Variants in AMBP observed in about 807,000 individuals in gnomAD.
AMBP encodes alpha-1-microglobulin/bikunin precursor.
AMBP carries 37 observed loss-of-function variants against 46.3 expected under a neutral mutation model. The observed-to-expected ratio is 0.80, with a 90% CI of 0.61 to 1.05. AMBP has a LOEUF of 1.05. AMBP is among the 50% of genes least tolerant of loss of function. The pLI is 0.00. For synonymous variants in AMBP, 174 were observed against 175.9 expected (o/e 0.99, Z 0.09); for missense variants, 475 against 461.2 (o/e 1.03, Z -0.27).
intron 5 of AMBP, chr9:114,069,992 A>G (rs147121883): frequency 3.9e-5 from 21 of 545,188 alleles, no homozygotes; most frequent in Middle Eastern, 4.5e-4. Flanking sequence ...TATCAGCATC[A>G]TGGAAAGAAT....
intron 6 of AMBP, among the ~76,000 whole-genome samples, chr9:114,067,735 G>A (rs1038767317): frequency 2.0e-5 from 3 of 152,030 alleles, no homozygotes; most frequent in Admixed American, 1.3e-4. Context: ...GAACAATGGA[G>A]TAACATATAC....
intron 6 of AMBP, among the ~76,000 whole-genome samples, chr9:114,066,085 C>T (rs1469682567): frequency 6.6e-6 from 1 of 152,106 alleles, no homozygotes; most frequent in Non-Finnish European, 1.5e-5. Flanking sequence ...GTCATGCGCA[C>T]CTCCCAGACT....
chr9:114,061,669 C>A, intron 7 of AMBP, 78 bp from the exon 8 acceptor site: 1 of 1,420,454 alleles, frequency 7.0e-7, no homozygotes, highest in South Asian at 1.4e-5. Flanking sequence ...TGATATGCGC[C>A]ATCTCATTTA....
Position 114,078,219 on chromosome 9 carries a change from C to A in AMBP, c.-10G>T, listed in dbSNP as rs758362166. 6.2e-7 allele frequency: 1 copy of A among 1,610,620 alleles called. No homozygotes were observed. Among genetic ancestry groups the A allele is most frequent in the Non-Finnish European group, 8.5e-7 (1 of 1,179,394 alleles). Reference sequence around the variant, plus strand: ...CCCCGAGGCTCCTCATGGCTATGGGCTCCTCTGCCTTGGTATATCCCACAG... The same window carrying A: ...CCCCGAGGCTCCTCATGGCTATGGGATCCTCTGCCTTGGTATATCCCACAG... On this transcript the variant is annotated 5_prime_UTR_variant, in exon 1 of 10. Transcript: ENST00000265132.
rs1277477137 is a variant in AMBP, at chr9:114,060,994, AG to A, written c.957del (p.Cys320AlafsTer63). On this transcript the variant is annotated frameshift_variant, in exon 9 of 10. Coordinates refer to ENST00000265132, the MANE Select transcript of AMBP (RefSeq NM_001633.4). LOFTEE classifies it high-confidence loss of function. Reference sequence around the variant, plus strand: ...TAGAACTTGTTCCCGTTGCCCTGGCAGCCCCCGTAGGGGAAGAGGACGCACT... The same window carrying A: ...TAGAACTTGTTCCCGTTGCCCTGGCACCCCCGTAGGGGAAGAGGACGCACT... The part of the protein sequence containing the change: ...KGKCVLFPYG[G>X]CQGNGNKFYS... The A allele has an allele frequency of 6.2e-7, 1 of 1,614,238 alleles. No homozygotes were observed. Among genetic ancestry groups the A allele is most frequent in the Admixed American group, 1.7e-5 (1 of 60,028 alleles).
rs1564370326 is a variant in AMBP at position 114,061,086 on chromosome 9, A to C, written c.866T>G (p.Leu289Arg). The change falls in exon 9 of 10, where the codon CTC becomes CGC. Residue 289 changes from leucine to arginine, a missense_variant. Physicochemically the swap from Leu to Arg is moderately radical, Grantham distance 102. Coordinates refer to ENST00000265132, the MANE Select transcript of AMBP (RefSeq NM_001633.4). ...QTCRTVAACNLPIVRGPCRAF... is the reference protein window; with the variant it reads ...QTCRTVAACNRPIVRGPCRAF... ...TCGGCAGGGGCCCCGGACTATGGGG[A>C]GATTGCAGGCCGCTGTGGAGTGGAG... The C allele has an allele frequency of 6.2e-7, 1 of 1,614,050 alleles. No homozygotes were observed. The highest frequency in any genetic ancestry group is 8.5e-7 in the Non-Finnish European group (1 of 1,179,986).
Position 114,072,928 on chromosome 9 carries a change from G to T in AMBP, c.553C>A (p.Arg185=), listed in dbSNP as rs756372752. The T allele has an allele frequency of 6.2e-7, 1 of 1,613,670 alleles. No individual in the cohort carries two copies. Among genetic ancestry groups the T allele is most frequent in the Non-Finnish European group, 8.5e-7 (1 of 1,179,734 alleles). The change falls in exon 5 of 10, where the codon CGA becomes AGA. Residue 185 remains arginine, a synonymous_variant. Transcript: ENST00000265132. ...PEDSIFTMAD[R]GECVPGEQEP... ...GAGGCGGAGGGGTGCTATGTACCTC[G>T]GTCAGCCATGGTGAAGATGGAGTCC...
intron 7 of AMBP, 83 bp downstream of exon 7, chr9:114,062,594 A>C (rs1161310099): frequency 7.3e-7 from 1 of 1,376,700 alleles, no homozygotes. Context: ...GACTGCACTG[A>C]TAAGAGTAGC....
rs749831385 is a variant in AMBP, at chr9:114,076,658, G to A, written c.200C>T (p.Thr67Met). ...TGTAGCGCCCTCTCCCAGCACCAGC[G>A]TGCTCACTGTCATCCTGTCCATGAT... ...KKIMDRMTVS[T>M]LVLGEGATEA... is the part of the protein sequence containing the mutation. The change falls in exon 2 of 10, where the codon ACG becomes ATG. Residue 67 changes from threonine to methionine, a missense_variant. Around this residue, in one of 3 missense-constraint regions of AMBP, gnomAD observed 179 missense variants for 167.4 expected, o/e 1.07. Transcript: ENST00000265132. The A allele has an allele frequency of 2.9e-5, 47 of 1,613,908 alleles. No individual in the cohort carries two copies. The East Asian group carries it at 6.9e-4, about 24-fold the overall frequency.
At position 114,061,522 on chromosome 9, in the gene AMBP, G is replaced by A. The variant is rs199693634; in HGVS notation, c.755C>T (p.Thr252Ile). 46 of 1,613,960 alleles carry A rather than the reference G, an allele frequency of 2.9e-5. No individual in the cohort carries two copies. The highest frequency in any genetic ancestry group is 3.6e-5 in the Non-Finnish European group (43 of 1,179,984). ...GMTSRYFYNG[T>I]SMACETFQYG... Reference sequence around the variant, plus strand: ...CTGGAAAGTCTCACAGGCCATGGATGTACCATTATAGAAATACCTGCTGGT... The same window carrying A: ...CTGGAAAGTCTCACAGGCCATGGATATACCATTATAGAAATACCTGCTGGT... The change falls in exon 8 of 10, where the codon ACA becomes ATA. Residue 252 changes from threonine to isoleucine, a missense_variant. Around this residue, in one of 3 missense-constraint regions of AMBP, gnomAD observed 293 missense variants for 276.9 expected, o/e 1.06. Transcript: ENST00000265132.
intron 6 of AMBP, among the ~76,000 whole-genome samples, chr9:114,066,719 G>A (rs1387438915): frequency 1.3e-5 from 2 of 152,152 alleles, no homozygotes; most frequent in African/African-American, 2.4e-5. Flanking sequence ...CCCAGTGAAT[G>A]CAGATGGAAA....
At chr9:114,070,804 CA>C (rs1846736952) in intron 5 of AMBP, among the ~76,000 whole-genome samples, 3 of 152,162 alleles carry the variant, frequency 2.0e-5, no homozygotes, top group African/African-American at 7.2e-5. Flanking sequence ...GTGAAGCCAC[CA>C]GGGGCCATGT....
chr9:114,061,556 T>C lies in AMBP; in HGVS notation c.721A>G (p.Met241Val), dbSNP rs201603565. 2 of 1,610,288 alleles carry C rather than the reference T, an allele frequency of 1.2e-6. No homozygotes were observed. The highest frequency in any genetic ancestry group is 2.2e-5 in the East Asian group (1 of 44,748). ...CQLGYSAGPCMGMTSRYFYNG... is the reference protein window; with the variant it reads ...CQLGYSAGPCVGMTSRYFYNG... ...TAGAAATACCTGCTGGTCATTCCCA[T>C]GCAGGGACCGGCCGAGTAGCCCAGC... is the stretch of plus-strand genomic sequence containing the variant. Residue 241 changes from methionine (M) to valine (V), a missense_variant, in exon 8 of 10, where the codon ATG becomes GTG. Around this residue, in one of 3 missense-constraint regions of AMBP, gnomAD observed 293 missense variants for 276.9 expected, o/e 1.06. Transcript: ENST00000265132.
chr9:114,062,433 C>A (rs1398118023), intron 7 of AMBP, among the ~76,000 whole-genome samples: 1 of 152,194 alleles, frequency 6.6e-6, no homozygotes, highest in Non-Finnish European at 1.5e-5. Context: ...ACAGACAGGG[C>A]AAGAACCAGC....
At position 114,069,696 on chromosome 9, in the gene AMBP, C is replaced by T. The variant is rs534282932; in HGVS notation, c.603+3G>A. 5.6e-6 allele frequency: 9 copies of T among 1,612,814 alleles called. No individual in the cohort carries two copies. Among genetic ancestry groups the T allele is most frequent in the African/African-American group, 1.3e-5 (1 of 74,996 alleles). ...GGATGGGGTCGGGGGATGAGGCACT[C>T]ACCGGGATTAAGATGGGCTCTGGTT... On this transcript the variant is annotated splice_donor_region_variant and intron_variant, in intron 6 of 9. Coordinates refer to ENST00000265132, the MANE Select transcript of AMBP (RefSeq NM_001633.4).
At chr9:114,073,621 C>T (rs1846769721) in intron 4 of AMBP, among the ~76,000 whole-genome samples, 1 of 151,780 alleles carries the variant, frequency 6.6e-6, no homozygotes, top group African/African-American at 2.4e-5. Context: ...CCTAAGCTTC[C>T]TGAGTAGCTG....
intron 6 of AMBP, among the ~76,000 whole-genome samples, chr9:114,064,888 G>T (rs1399001660): frequency 6.6e-6 from 1 of 152,216 alleles, no homozygotes; most frequent in East Asian, 1.9e-4. Context: ...AAATCCAGAA[G>T]GAGAAAACTG....
chr9:114,078,156 G>A lies in AMBP; in HGVS notation c.54C>T (p.Ser18=), dbSNP rs142472165. ...CGGGCGGCGTTGGCACAGGGCCAGC[G>A]CTCACCGCCAGGCAGGCGCTCAGCA... ...LLLLSACLAV[S]AGPVPTPPDN... The change falls in exon 1 of 10, where the codon AGC becomes AGT. Residue 18 remains serine, a synonymous_variant. Transcript: ENST00000265132. 1.2e-3 allele frequency: 1,909 copies of A among 1,613,588 alleles called. 19 individuals carry two copies. In the African/African-American group the frequency reaches 0.022, roughly 19 times the overall value.
intron 6 of AMBP, among the ~76,000 whole-genome samples, chr9:114,065,020 G>A (rs555858845): frequency 6.6e-6 from 1 of 152,234 alleles, no homozygotes; most frequent in South Asian, 2.1e-4. Flanking sequence ...AAAGTTCCAG[G>A]GCTATACAAT....
Sources: gnomAD v4.1 joint callset for allele counts (sites outside exome capture counted in the v4.1 genomes callset) on GRCh38, gnomAD v4.1.1 for gene constraint, gnomAD v4.1.1 regional missense constraint, MANE v1.5 for transcripts, NCBI Gene and HGNC (gene_info 2026-07-23, HGNC 2026-07-21) for gene names.